Variants in PNPLA7 observed in about 807,000 individuals in gnomAD.
The protein encoded by PNPLA7 is patatin like domain 7, lysophospholipase, also known as patatin-like phospholipase domain-containing protein 7.
Under a neutral mutation model 161.7 loss-of-function variants are expected in PNPLA7, and 153 were observed. That is an observed-to-expected ratio of 0.95 (90% CI 0.83 to 1.08). The LOEUF is 1.08. Among genes scored for constraint, PNPLA7 ranks in the 50% least tolerant of loss-of-function variants. PNPLA7 has a pLI of 0.00. For missense variants in PNPLA7, 1,739 were observed against 1,856.6 expected, an observed-to-expected ratio of 0.94 and a Z score of 1.16; for synonymous variants, 809 against 782.1, an observed-to-expected ratio of 1.03 and a Z score of -0.57.
chr9:137,543,026 G>A lies in PNPLA7; in HGVS notation c.507-225C>T, dbSNP rs928643289. ...ATCACCTCAGAGAACTTCTTGACCC[G>A]TGAACCTGAGCCACACACACACGGG... On this transcript the variant is annotated intron_variant, in intron 6 of 34. Coordinates refer to ENST00000406427, the MANE Select transcript of PNPLA7 (RefSeq NM_001098537.3). This position sits in a 1 kb window ranked among gnomAD's most constrained non-coding sequence, Gnocchi z 6.9. Among the ~76,000 whole-genome samples the A allele has an allele frequency of 2.0e-5, 3 of 152,132 alleles. No homozygotes were observed. Among genetic ancestry groups the A allele is most frequent in the Non-Finnish European group, 4.4e-5 (3 of 68,034 alleles).
intron 30 of PNPLA7, 100 bp downstream of exon 30, chr9:137,462,585 T>G: frequency 6.7e-7 from 1 of 1,496,116 alleles, no homozygotes; most frequent in Non-Finnish European, 9.0e-7. Context: ...CCTGCTGGCC[T>G]CAGAGCCCAG....
chr9:137,545,058 G>A (rs1836421728), intron 4 of PNPLA7, among the ~76,000 whole-genome samples: 1 of 152,170 alleles, frequency 6.6e-6, no homozygotes, highest in Non-Finnish European at 1.5e-5. Context: ...GCTTCTGGGT[G>A]GTCTGTTGAG....
intron 12 of PNPLA7, among the ~76,000 whole-genome samples, chr9:137,510,221 GAA>G (rs922843546): frequency 7.2e-5 from 11 of 152,106 alleles, no homozygotes; most frequent in African/African-American, 2.7e-4. Flanking sequence ...GGAGTTTAGA[GAA>G]GACTCTGCTC....
intron 24 of PNPLA7, 129 bp from the exon 25 acceptor site, chr9:137,478,281 G>T: frequency 1.5e-6 from 1 of 652,104 alleles, no homozygotes; most frequent in Non-Finnish European, 2.2e-6. Flanking sequence ...TCTCCAGCAT[G>T]CAGCAGGCCC....
rs904301286 is a variant in PNPLA7 at position 137,468,908 on chromosome 9, C to A, written c.2883-1435G>T. ...GTATATTTTAACATAATAAAAAAAA[C>A]CATATGTAATACTGCCACAGAATAT... On this transcript the variant is annotated intron_variant, in intron 25 of 34. Transcript: ENST00000406427. The surrounding 1 kb of genome is among the most constrained non-coding windows in gnomAD (Gnocchi z 4.0). 5.3e-5 allele frequency among the ~76,000 whole-genome samples: 8 copies of A among 151,792 alleles called. No individual in the cohort carries two copies. The East Asian group carries it at 5.8e-4, about 11-fold the overall frequency.
intron 8 of PNPLA7, among the ~76,000 whole-genome samples, chr9:137,526,676 T>C (rs1835319622): frequency 6.6e-6 from 1 of 152,232 alleles, no homozygotes; most frequent in Admixed American, 6.5e-5. Context: ...GTCACAAGTG[T>C]GAGTGGCCTG....
intron 10 of PNPLA7, among the ~76,000 whole-genome samples, chr9:137,521,004 G>A (rs966106067): frequency 4.0e-5 from 6 of 151,066 alleles, no homozygotes; most frequent in South Asian, 2.1e-4. Context: ...TGCTGGATTC[G>A]GCTGTAGGGA....
At chr9:137,472,475 A>T (rs1831749172) in intron 25 of PNPLA7, among the ~76,000 whole-genome samples, 1 of 151,284 alleles carries the variant, frequency 6.6e-6, no homozygotes, top group Admixed American at 6.6e-5. Flanking sequence ...ACATGGTGAA[A>T]CCCCGTCTCT....
At chr9:137,526,406 T>C (rs559518860) in intron 8 of PNPLA7, among the ~76,000 whole-genome samples, 87 of 152,254 alleles carry the variant, frequency 5.7e-4, no homozygotes, top group African/African-American at 1.9e-3. Context: ...GCCTCCCAAG[T>C]AGCTGGGACT....
chr9:137,461,446 C>T (rs1337111941), intron 33 of PNPLA7, 90 bp downstream of exon 33: 57 of 1,121,408 alleles, frequency 5.1e-5, no homozygotes, highest in Middle Eastern at 2.3e-4. Context: ...GAGGGGAGGC[C>T]GTGGGCCTCT....
intron 28 of PNPLA7, 46 bp from the exon 29 acceptor site, chr9:137,463,577 C>T (rs1404211638): frequency 2.1e-6 from 3 of 1,441,130 alleles, no homozygotes; most frequent in South Asian, 1.2e-5. Flanking sequence ...GGAGGCTCCT[C>T]CTGGGTCCAG....
intron 9 of PNPLA7, 50 bp downstream of exon 9, chr9:137,522,679 C>G (rs758001852): frequency 4.3e-5 from 69 of 1,606,358 alleles, no homozygotes; most frequent in Non-Finnish European, 5.8e-5. Flanking sequence ...CCCAGGCCCC[C>G]CCAGGGTGAC....
Position 137,500,040 on chromosome 9 carries a change from C to T in PNPLA7, c.1757+651G>A, listed in dbSNP as rs1453444011. On this transcript the variant is annotated intron_variant, in intron 16 of 34. Transcript: ENST00000406427. This position sits in a 1 kb window ranked among gnomAD's most constrained non-coding sequence, Gnocchi z 5.5. ...AGCAGAATGCCCAGTGCCGTGGATG[C>T]AAAGACGTGGCGGCTCTGCCAGGCA... Among the ~76,000 whole-genome samples the T allele has an allele frequency of 1.3e-5, 2 of 152,236 alleles. No homozygotes were observed. The highest frequency in any genetic ancestry group is 2.9e-5 in the Non-Finnish European group (2 of 68,036).
chr9:137,498,261 G>A lies in PNPLA7; in HGVS notation c.1758-16C>T, dbSNP rs1183026450. 2.5e-6 allele frequency: 4 copies of A among 1,608,286 alleles called. No individual in the cohort carries two copies. The South Asian group carries it at 4.4e-5, about 18-fold the overall frequency. On this transcript the variant is annotated splice_polypyrimidine_tract_variant and intron_variant, in intron 16 of 34. Transcript: ENST00000406427. ...CCGCATGATTCTGCCGGGCAGCCCA[G>A]AGTCAATCCTGCCCCATCCCTCCAA... is the stretch of plus-strand genomic sequence containing the variant.
At chr9:137,519,820 G>A (rs1176664626) in intron 11 of PNPLA7, 97 bp downstream of exon 11, 7 of 1,492,598 alleles carry the variant, frequency 4.7e-6, no homozygotes. Context: ...GGTGGCCTCA[G>A]GCATGTGCAA....
chr9:137,476,087 T>G lies in PNPLA7; in HGVS notation c.2882+1947A>C, dbSNP rs1831934614. Among the ~76,000 whole-genome samples the G allele has an allele frequency of 6.6e-6, 1 of 152,052 alleles. No homozygotes were observed. Among genetic ancestry groups the G allele is most frequent in the Non-Finnish European group, 1.5e-5 (1 of 68,006 alleles). ...GGTGAAAGAAAATTCCAGGCCAACA[T>G]CTCAGCAGCATGTTAGAAAACAACC... is the stretch of plus-strand genomic sequence containing the variant. On this transcript the variant is annotated intron_variant, in intron 25 of 34. Transcript: ENST00000406427. This position sits in a 1 kb window ranked among gnomAD's most constrained non-coding sequence, Gnocchi z 4.5.
chr9:137,462,035 C>G lies in PNPLA7; in HGVS notation c.3652G>C (p.Gly1218Arg). ...AACACCGTGCGCCCGTGCTGGTAGC[C>G]CACTTCCTGTGCACACCCCCAGGGC... The part of the protein sequence containing the change: ...FGKFNEICEV[G>R]YQHGRTVFDI... Residue 1218 changes from glycine to arginine, a missense_variant, in exon 32 of 35, where the codon GGC (glycine) becomes CGC (arginine). Coordinates refer to ENST00000406427, the MANE Select transcript of PNPLA7 (RefSeq NM_001098537.3). The G allele has an allele frequency of 3.8e-6, 6 of 1,593,930 alleles. No individual in the cohort carries two copies. Among genetic ancestry groups the G allele is most frequent in the Non-Finnish European group, 5.1e-6 (6 of 1,171,258 alleles).
intron 20 of PNPLA7, chr9:137,491,859 C>T (rs889243052): frequency 2.0e-6 from 2 of 985,302 alleles, no homozygotes; most frequent in African/African-American, 3.5e-5. Context: ...TCGGGGGTGA[C>T]AAGCACAGAG....
intron 28 of PNPLA7, among the ~76,000 whole-genome samples, chr9:137,463,796 A>G (rs1366067276): frequency 1.3e-5 from 2 of 150,618 alleles, no homozygotes; most frequent in African/African-American, 4.9e-5. Flanking sequence ...GACCGAGTGA[A>G]CCCCTCATCC....
Sources: gnomAD v4.1 joint callset for allele counts (sites outside exome capture counted in the v4.1 genomes callset) on GRCh38, gnomAD v4.1.1 for gene constraint, Gnocchi (gnomAD v3.1) non-coding constraint, MANE v1.5 for transcripts, NCBI Gene and HGNC (gene_info 2026-07-23, HGNC 2026-07-21) for gene names.